The following MOSMO variants were observed in gnomAD, a reference collection of about 807,000 sequenced individuals.
MOSMO encodes the protein modulator of smoothened, also known as modulator of smoothened protein.
MOSMO carries 5 observed loss-of-function variants against 18.4 expected under a neutral mutation model. That is an observed-to-expected ratio of 0.27 (90% confidence interval 0.14 to 0.57). MOSMO has a LOEUF of 0.57. MOSMO is among the 20% of genes least tolerant of loss of function. MOSMO has a pLI of 0.92. For synonymous variants in MOSMO, 82 were observed against 82.3 expected (o/e 1.00, Z 0.02); for missense variants, 138 against 211.8 (o/e 0.65, Z 2.16).
chr16:22,008,549 G>C (rs1187962628), intron 1 of MOSMO, 142 bp downstream of exon 1: 1 of 568,086 alleles, frequency 1.8e-6, no homozygotes, highest in African/African-American at 2.0e-5. Context: ...GGGGAGACCC[G>C]GGCCGCGGAG....
At chr16:22,049,936 A>G (rs145487931) in intron 1 of MOSMO, among the ~76,000 whole-genome samples, 2 of 152,278 alleles carry the variant, frequency 1.3e-5, no homozygotes, top group African/African-American at 2.4e-5. Context: ...TGATGTATCT[A>G]TTCCTGCACC....
At chr16:22,023,425 A>G (rs752066767) in intron 1 of MOSMO, among the ~76,000 whole-genome samples, 55 of 152,272 alleles carry the variant, frequency 3.6e-4, no homozygotes, top group Non-Finnish European at 6.9e-4. Context: ...TTGAAGATTT[A>G]ATTATCCTTT....
In MOSMO at chr16:22,082,780, A is replaced by G. The variant is rs951224154; in HGVS notation, c.*1900A>G. On this transcript the variant is annotated 3_prime_UTR_variant, in exon 3 of 3. Coordinates refer to ENST00000542527, the MANE Select transcript of MOSMO (RefSeq NM_001164579.2). ...AAAGAAAACCCCAGTGTTTGAGCTC[A>G]CTCAGGAATTGGGGAGAGAGATGGA... 6.6e-6 allele frequency: 1 copy of G among 152,166 alleles called. No homozygotes were observed. The highest frequency in any genetic ancestry group is 1.5e-5 in the Non-Finnish European group (1 of 68,014). The allele number at this position is 152,166 out of a possible 1,614,324, so 9.4% of individuals were successfully genotyped here.
intron 1 of MOSMO, among the ~76,000 whole-genome samples, chr16:22,058,351 A>C (rs1900576943): frequency 6.6e-6 from 1 of 150,792 alleles, no homozygotes; most frequent in African/African-American, 2.4e-5. Context: ...ACTTGAATCC[A>C]GGAGGCGGAG....
At chr16:22,073,833 T>C (rs543202170) in intron 1 of MOSMO, among the ~76,000 whole-genome samples, 12 of 152,042 alleles carry the variant, frequency 7.9e-5, no homozygotes, top group Non-Finnish European at 1.5e-4. Flanking sequence ...GCCTTCCTCC[T>C]GCCTGTGATA....
intron 1 of MOSMO, among the ~76,000 whole-genome samples, chr16:22,069,890 T>G (rs2141771738): frequency 6.6e-6 from 1 of 152,258 alleles, no homozygotes; most frequent in East Asian, 1.9e-4. Flanking sequence ...TAGGGGAGAC[T>G]TAAACACATT....
intron 1 of MOSMO, among the ~76,000 whole-genome samples, chr16:22,052,793 A>G (rs570162375): frequency 6.6e-6 from 1 of 152,264 alleles, no homozygotes; most frequent in Admixed American, 6.5e-5. Flanking sequence ...ACTGTATGAA[A>G]CATTAAACAT....
intron 1 of MOSMO, among the ~76,000 whole-genome samples, chr16:22,060,041 G>A (rs1382061655): frequency 1.3e-5 from 2 of 152,170 alleles, no homozygotes; most frequent in Admixed American, 6.5e-5. Flanking sequence ...GCAACGCGTG[G>A]TGGCACATGT....
At chr16:22,061,520 A>G (rs1245745625) in intron 1 of MOSMO, among the ~76,000 whole-genome samples, 1 of 152,084 alleles carries the variant, frequency 6.6e-6, no homozygotes, top group African/African-American at 2.4e-5. Context: ...CTTTCTGTGG[A>G]TGTGTGTCTG....
rs62047199 is a variant in MOSMO at position 22,081,226 on chromosome 16, A to G, written c.*346A>G. 17,093 of 152,702 alleles carry G rather than the reference A, an allele frequency of 0.11. 1 individual carries two copies. The highest frequency in any genetic ancestry group is 0.19 in the East Asian group (1,038 of 5,410). 9.5% of individuals were successfully genotyped at this position (152,702 alleles called of 1,614,324 possible). A position where few individuals can be genotyped will look rare whatever the true frequency, so the allele number is the denominator to read the frequency against. ...GCATGTGGCCCTTTGTGACTCTGTTATTCCGTTTTTAATGTCTAATGATTC... is the reference window on the plus strand; with the variant it reads ...GCATGTGGCCCTTTGTGACTCTGTTGTTCCGTTTTTAATGTCTAATGATTC... On this transcript the variant is annotated 3_prime_UTR_variant, in exon 3 of 3. Transcript: ENST00000542527.
intron 1 of MOSMO, among the ~76,000 whole-genome samples, chr16:22,017,320 C>T (rs546930571): frequency 1.3e-5 from 2 of 152,112 alleles, no homozygotes; most frequent in African/African-American, 2.4e-5. Context: ...TTAGGTTGTA[C>T]GGTGACAGCA....
At chr16:22,022,435 A>G (rs916566404) in intron 1 of MOSMO, among the ~76,000 whole-genome samples, 1 of 152,188 alleles carries the variant, frequency 6.6e-6, no homozygotes, top group Admixed American at 6.5e-5. Flanking sequence ...AAATGTTTAT[A>G]TGCAGGTGCT....
chr16:22,054,238 G>A (rs1405517586), intron 1 of MOSMO, among the ~76,000 whole-genome samples: 1 of 152,076 alleles, frequency 6.6e-6, no homozygotes, highest in Non-Finnish European at 1.5e-5. Flanking sequence ...TGGGACTACA[G>A]GCACATGCCA....
At chr16:22,037,064 C>A (rs1453452315) in intron 1 of MOSMO, among the ~76,000 whole-genome samples, 2 of 151,906 alleles carry the variant, frequency 1.3e-5, no homozygotes. Flanking sequence ...AGGAAAGAAC[C>A]CTGAAGGTCA....
chr16:22,035,757 A>C (rs764160665), intron 1 of MOSMO, among the ~76,000 whole-genome samples: 1 of 152,188 alleles, frequency 6.6e-6, no homozygotes, highest in Non-Finnish European at 1.5e-5. Flanking sequence ...TCCATGAATG[A>C]GGATGACAAC....
chr16:22,052,383 A>G (rs993181079), intron 1 of MOSMO, among the ~76,000 whole-genome samples: 15 of 152,230 alleles, frequency 9.9e-5, no homozygotes, highest in African/African-American at 3.4e-4. Context: ...ATGTAGAGCA[A>G]GTGGGACCCT....
chr16:22,063,846 A>C (rs1162746553), intron 1 of MOSMO, among the ~76,000 whole-genome samples: 3 of 152,164 alleles, frequency 2.0e-5, no homozygotes, highest in Admixed American at 2.0e-4. Context: ...GTCTGTTCTG[A>C]TAGAAGTCTG....
At chr16:22,012,621 A>G (rs1026762219) in intron 1 of MOSMO, among the ~76,000 whole-genome samples, 1 of 151,530 alleles carries the variant, frequency 6.6e-6, no homozygotes, top group Admixed American at 6.6e-5. Context: ...CAAGTTAAAT[A>G]TATGTCCCTC....
chr16:22,061,273 A>T (rs563424888), intron 1 of MOSMO, among the ~76,000 whole-genome samples: 2 of 152,208 alleles, frequency 1.3e-5, no homozygotes, highest in Non-Finnish European at 2.9e-5. Context: ...ATTTTATTGT[A>T]TCTAAACTCG....
Sources: gnomAD v4.1 joint callset for allele counts (sites outside exome capture counted in the v4.1 genomes callset) on GRCh38, gnomAD v4.1.1 for gene constraint, MANE v1.5 for transcripts, NCBI Gene and HGNC (gene_info 2026-07-23, HGNC 2026-07-21) for gene names.